The following TPRG1 variants were observed in gnomAD, a reference collection of about 807,000 sequenced individuals.
The protein encoded by TPRG1 is tumor protein p63 regulated 1.
TPRG1 carries 29 observed loss-of-function variants against 29.3 expected under a neutral mutation model. The ratio of observed to expected loss-of-function variants is 0.99; its 90% confidence interval spans 0.74 to 1.35. The LOEUF is 1.35. Ranked by LOEUF, TPRG1 falls within the 40% of genes most tolerant of loss-of-function variation. The pLI, the probability that TPRG1 is intolerant of heterozygous loss-of-function variation, is 0.00. For synonymous variants in TPRG1, 130 were observed against 116.8 expected (o/e 1.11, Z -0.73); for missense variants, 327 against 335.0 (o/e 0.98, Z 0.19).
At position 189,320,695 on chromosome 3, in the gene TPRG1, A is replaced by G. The variant is rs757908976; in HGVS notation, c.703A>G (p.Arg235Gly). 5.6e-6 allele frequency: 9 copies of G among 1,612,834 alleles called. No individual in the cohort carries two copies. The highest frequency in any genetic ancestry group is 3.3e-5 in the South Asian group (3 of 90,968). Residue 235 changes from arginine to glycine, a missense_variant, in exon 6 of 6, where the codon AGA (arginine) becomes GGA (glycine). Arg to Gly is a moderately radical substitution (Grantham distance 125). Transcript: ENST00000345063. Reference protein sequence around the residue: ...NAHKNSTGSGRGKKLMVLTEP... With the variant: ...NAHKNSTGSGGGKKLMVLTEP... ...CCACAAGAATTCAACTGGATCTGGA[A>G]GAGGAAAGAAACTGATGGTGTTAAC...
chr3:189,055,848 T>A (rs546694339), intron 4 of TPRG1, among the ~76,000 whole-genome samples: 1 of 152,112 alleles, frequency 6.6e-6, no homozygotes, highest in Non-Finnish European at 1.5e-5. Flanking sequence ...CCCATTATGA[T>A]CTGGCTCCAA....
intron 4 of TPRG1, among the ~76,000 whole-genome samples, chr3:189,293,247 A>G (rs1340395262): frequency 2.6e-5 from 4 of 152,112 alleles, no homozygotes; most frequent in Non-Finnish European, 5.9e-5. Context: ...TCCCAATTTC[A>G]ACATTGTTAG....
chr3:189,283,885 A>G (rs1383861208), intron 4 of TPRG1, among the ~76,000 whole-genome samples: 2 of 152,246 alleles, frequency 1.3e-5, no homozygotes, highest in African/African-American at 4.8e-5. Context: ...CTTGTGTTAA[A>G]TAAATCCAAG....
intron 3 of TPRG1, among the ~76,000 whole-genome samples, chr3:189,140,785 A>T (rs1724442396): frequency 6.6e-6 from 1 of 152,122 alleles, no homozygotes; most frequent in South Asian, 2.1e-4. Flanking sequence ...CTGCAGTTTC[A>T]TTTGGTACCT....
At chr3:189,224,281 GACCATCCTGGCCAACATGGTGAA>G (rs1334337456) in intron 3 of TPRG1, among the ~76,000 whole-genome samples, 1 of 152,180 alleles carries the variant, frequency 6.6e-6, no homozygotes, top group African/African-American at 2.4e-5. Context: ...AAGAGATCGA[GACCATCCTGGCCAACATGGTGAA>G]ACCCTGCCCC....
At chr3:189,024,040 G>A (rs549977154) in intron 4 of TPRG1, 1 of 152,452 alleles carries the variant, frequency 6.6e-6, no homozygotes, top group East Asian at 1.9e-4. Flanking sequence ...TGTGTTGGGG[G>A]ATCCCTTCAG....
rs561573317 is a variant in TPRG1 at position 189,051,938 on chromosome 3, A to G, written c.-463+27992A>G. On this transcript the variant is annotated intron_variant, in intron 4 of 10. Transcript: ENST00000433971. ...TCCTCATCTCTCACCTTGTACAAAAATCAACTCCAGATATATTAAGGACTT... is the reference window on the plus strand; with the variant it reads ...TCCTCATCTCTCACCTTGTACAAAAGTCAACTCCAGATATATTAAGGACTT... 3.9e-5 allele frequency among the ~76,000 whole-genome samples: 6 copies of G among 152,362 alleles called. No individual in the cohort carries two copies. In the East Asian group the frequency reaches 1.2e-3, roughly 29 times the overall value.
At chr3:189,306,571 A>G (rs139843335) in intron 4 of TPRG1, among the ~76,000 whole-genome samples, 2 of 152,212 alleles carry the variant, frequency 1.3e-5, no homozygotes, top group Admixed American at 6.5e-5. Flanking sequence ...TTAAAATTAC[A>G]TTTCACTAGT....
At chr3:189,188,635 A>G (rs947120506) in intron 1 of TPRG1, among the ~76,000 whole-genome samples, 1 of 152,176 alleles carries the variant, frequency 6.6e-6, no homozygotes, top group East Asian at 1.9e-4. Context: ...AGATCTGTTC[A>G]TTGGAAGTGT....
At chr3:189,139,575 T>C (rs1560480074) in intron 3 of TPRG1, among the ~76,000 whole-genome samples, 2 of 152,108 alleles carry the variant, frequency 1.3e-5, no homozygotes, top group African/African-American at 2.4e-5. Context: ...CTCGCGACAA[T>C]GATTATTTTT....
rs191554879 is a variant in TPRG1, at chr3:189,060,754, T to G, written c.-463+36808T>G. On this transcript the variant is annotated intron_variant, in intron 4 of 10. Transcript: ENST00000433971. ...GCTAACCAGAAAGGTAAAATATCTC[T>G]ACAATGAGAATTTTGAAACTCTGCT... is the stretch of plus-strand genomic sequence containing the variant. 9.5e-4 allele frequency among the ~76,000 whole-genome samples: 145 copies of G among 152,184 alleles called. 1 individual carries two copies. The highest frequency in any genetic ancestry group is 3.3e-3 in the African/African-American group (138 of 41,506).
intron 4 of TPRG1, among the ~76,000 whole-genome samples, chr3:189,288,182 G>A (rs535062773): frequency 1.3e-5 from 2 of 151,936 alleles, no homozygotes; most frequent in African/African-American, 4.8e-5. Flanking sequence ...TTTTCAAAAT[G>A]TTTAGATTCA....
chr3:189,285,000 G>A (rs1160053345), intron 4 of TPRG1, among the ~76,000 whole-genome samples: 1 of 152,062 alleles, frequency 6.6e-6, no homozygotes, highest in African/African-American at 2.4e-5. Context: ...GAGTGAACAG[G>A]CAACCTACAG....
chr3:189,136,801 C>T (rs909416416), intron 3 of TPRG1, among the ~76,000 whole-genome samples: 4 of 152,104 alleles, frequency 2.6e-5, no homozygotes, highest in Non-Finnish European at 5.9e-5. Context: ...CATTCCCAGT[C>T]TAGGCAATAA....
At chr3:189,039,841 A>ATT (rs5855238) in intron 4 of TPRG1, among the ~76,000 whole-genome samples, 2,712 of 148,762 alleles carry the variant, frequency 0.018, 71 homozygotes, top group African/African-American at 0.058. Context: ...TCTCACTCCT[A>ATT]TTTTTTTTTT....
chr3:189,255,323 G>A (rs567743985), intron 4 of TPRG1, among the ~76,000 whole-genome samples: 1 of 152,114 alleles, frequency 6.6e-6, no homozygotes, highest in Admixed American at 6.6e-5. Flanking sequence ...AATGGATTAC[G>A]TTTATTGATT....
At chr3:189,276,810 C>A (rs1716224503) in intron 4 of TPRG1, among the ~76,000 whole-genome samples, 1 of 152,130 alleles carries the variant, frequency 6.6e-6, no homozygotes, top group Non-Finnish European at 1.5e-5. Context: ...CTTAAGCAAG[C>A]TGCTTCCTTG....
rs1398887351 is a variant in TPRG1 at position 189,003,866 on chromosome 3, C to T, written c.-877-677C>T. Among the ~76,000 whole-genome samples the T allele has an allele frequency of 3.3e-5, 5 of 151,930 alleles. No individual in the cohort carries two copies. In the South Asian group the frequency reaches 1.0e-3, roughly 31 times the overall value. ...TTGCTGTAATATTTTTTTTCTGAAA[C>T]TCACAGCTGTATACTTAGATCTTGC... On this transcript the variant is annotated intron_variant, in intron 2 of 10. Transcript: ENST00000433971.
chr3:189,279,276 G>C (rs370670298), intron 4 of TPRG1, among the ~76,000 whole-genome samples: 1 of 152,098 alleles, frequency 6.6e-6, no homozygotes, highest in Non-Finnish European at 1.5e-5. Context: ...AACAACTCTT[G>C]GTGGGCCCTA....
Sources: gnomAD v4.1 joint callset for allele counts (sites outside exome capture counted in the v4.1 genomes callset) on GRCh38, gnomAD v4.1.1 for gene constraint, MANE v1.5 for transcripts, NCBI Gene and HGNC (gene_info 2026-07-23, HGNC 2026-07-21) for gene names.